The following DST variants were observed in gnomAD, a reference collection of about 807,000 sequenced individuals.
DST encodes dystonin, also known as bullous pemphigoid antigen.
In DST, 253 loss-of-function variants were observed where a neutral mutation model predicts 875.2. The observed-to-expected ratio is 0.29, with a 90% CI of 0.26 to 0.32. The LOEUF (loss-of-function observed/expected upper bound fraction) is 0.32. Among genes scored for constraint, DST ranks in the 10% least tolerant of loss-of-function variants. DST has a pLI of 1.00. For missense variants in DST, 8,287 were observed against 9,111.6 expected (o/e 0.91, Z 3.68); for synonymous variants, 3,124 against 3,197.1 (o/e 0.98, Z 0.77).
At chr6:56,940,002 C>T (rs538569216) in intron 2 of DST, among the ~76,000 whole-genome samples, 8 of 150,814 alleles carry the variant, frequency 5.3e-5, no homozygotes, top group African/African-American at 9.8e-5. Context: ...CTCCAGCCTG[C>T]GTGACAGAGC....
chr6:56,697,796 T>A (rs922675412), intron 9 of DST, among the ~76,000 whole-genome samples: 2 of 152,300 alleles, frequency 1.3e-5, no homozygotes, highest in Admixed American at 6.5e-5. Context: ...TCTTGCAGTT[T>A]CAACTCTGCT....
intron 99 of DST, 48 bp from the exon 100 acceptor site, chr6:56,464,804 G>C: frequency 7.2e-7 from 1 of 1,396,104 alleles, no homozygotes; most frequent in Non-Finnish European, 1.0e-6. Context: ...AATACTGTTA[G>C]CAGAAGAAGA....
intron 88 of DST, 27 bp from the exon 89 acceptor site, chr6:56,482,904 A>T (rs959607359): frequency 1.4e-6 from 2 of 1,461,494 alleles, no homozygotes; most frequent in Non-Finnish European, 1.8e-6. Flanking sequence ...TTGAAAAATT[A>T]ATTTTAATTA....
At chr6:56,565,112 C>CTTTTTTTTTTT (rs1157403022) in intron 55 of DST, among the ~76,000 whole-genome samples, 2 of 134,474 alleles carry the variant, frequency 1.5e-5, no homozygotes. Flanking sequence ...TTTCTCTTTT[C>CTTTTTTTTTTT]TTTTTTTTTT....
At chr6:56,898,475 C>T (rs1792504158) in intron 3 of DST, among the ~76,000 whole-genome samples, 1 of 152,186 alleles carries the variant, frequency 6.6e-6, no homozygotes, top group African/African-American at 2.4e-5. Context: ...CTTCTCAATC[C>T]TGATCCACAT....
chr6:56,482,951 A>G, intron 88 of DST, 74 bp from the exon 89 acceptor site: 3 of 1,105,376 alleles, frequency 2.7e-6, no homozygotes, highest in Non-Finnish European at 2.5e-6. Context: ...TTTGAGATAT[A>G]TATGTGCACA....
intron 5 of DST, among the ~76,000 whole-genome samples, chr6:56,725,918 G>A (rs2152919388): frequency 1.3e-5 from 2 of 151,840 alleles, no homozygotes; most frequent in South Asian, 4.2e-4. Flanking sequence ...GGATTTTCCA[G>A]GAGAGTTTTT....
chr6:56,460,061 G>A, intron 103 of DST, 70 bp downstream of exon 103: 2 of 1,518,858 alleles, frequency 1.3e-6, no homozygotes, highest in East Asian at 2.3e-5. Flanking sequence ...CAATGAGGAG[G>A]AAAAGGGACT....
Position 56,648,670 on chromosome 6 carries a change from A to G in DST, c.1454T>C (p.Ile485Thr), listed in dbSNP as rs185149269. 1.6e-5 allele frequency: 26 copies of G among 1,576,130 alleles called. No individual in the cohort carries two copies. In the African/African-American group the frequency reaches 2.9e-4, roughly 18 times the overall value. Residue 485 changes from isoleucine (I) to threonine (T), a missense_variant, in exon 13 of 104, where the codon ATT (isoleucine) becomes ACT (threonine). Ile to Thr is a moderately conservative substitution (Grantham distance 89). Coordinates refer to ENST00000680361, the MANE Select transcript of DST (RefSeq NM_001374736.1). ...GTAGTTCACCATATTCTGGTATTCAATCCATTTGACTTCAACATCCTAGAA... is the reference window on the plus strand; with the variant it reads ...GTAGTTCACCATATTCTGGTATTCAGTCCATTTGACTTCAACATCCTAGAA... ...IGANDVEVKWIEYQNMVNYLI... is the reference protein window; with the variant it reads ...IGANDVEVKWTEYQNMVNYLI...
rs770824816 is a variant in DST, at chr6:56,552,277, A to G, written c.16515T>C (p.Ser5505=). 12 of 1,614,048 alleles carry G rather than the reference A, an allele frequency of 7.4e-6. No individual in the cohort carries two copies. In the South Asian group the frequency reaches 1.2e-4, roughly 16 times the overall value. ...EEFYSKLKEF[S]ILLQKAEEHE... The stretch of plus-strand genomic sequence containing the variant: ...GTTCTTCGGCTTTCTGGAGCAGAAT[A>G]GAAAATTCTTTCAATTTGCTGTAAA... The change falls in exon 61 of 104, where the codon TCT becomes TCC. Residue 5505 remains serine, a synonymous_variant. Transcript: ENST00000680361.
Position 56,604,108 on chromosome 6 carries a change from T to C in DST, c.10520A>G (p.His3507Arg), listed in dbSNP as rs1342133901. The change falls in exon 40 of 104, where the codon CAT becomes CGT. Residue 3507 changes from histidine (H) to arginine (R), a missense_variant. His to Arg is a conservative substitution (Grantham distance 29). Around this residue, in one of 10 missense-constraint regions of DST, gnomAD observed 3,138 missense variants for 3,116.6 expected, o/e 1.01. Coordinates refer to ENST00000680361, the MANE Select transcript of DST (RefSeq NM_001374736.1). ...LADGYSEKIE[H>R]VGDFNQKACS... ...TGCTTTTTGATTAAAGTCTCCAACATGTTCTATTTTCTCTGAATATCCATC... is the reference window on the plus strand; with the variant it reads ...TGCTTTTTGATTAAAGTCTCCAACACGTTCTATTTTCTCTGAATATCCATC... 3 of 1,577,428 alleles carry C rather than the reference T, an allele frequency of 1.9e-6. No individual in the cohort carries two copies. Among genetic ancestry groups the C allele is most frequent in the African/African-American group, 1.3e-5 (1 of 74,484 alleles).
chr6:56,560,924 A>G (rs2097527970), intron 57 of DST, among the ~76,000 whole-genome samples: 1 of 152,120 alleles, frequency 6.6e-6, no homozygotes, highest in Non-Finnish European at 1.5e-5. Flanking sequence ...AGAAAGAAAT[A>G]CCCTCTATTA....
chr6:56,671,512 T>A (rs190184614), intron 9 of DST, among the ~76,000 whole-genome samples: 76 of 152,338 alleles, frequency 5.0e-4, no homozygotes, highest in Admixed American at 9.8e-4. Context: ...TCCTGTATTT[T>A]GTTTTCATGA....
rs189476999 is a variant in DST at position 56,798,315 on chromosome 6, T to C, written c.625+53082A>G. Among the ~76,000 whole-genome samples the C allele has an allele frequency of 6.6e-5, 10 of 152,344 alleles. No individual in the cohort carries two copies. The East Asian group carries it at 7.7e-4, about 12-fold the overall frequency. On this transcript the variant is annotated intron_variant, in intron 4 of 103. Transcript: ENST00000680361. ...GGATGACTCACTTATTAGGGACTAATACAGCTGAAGTTGAAGTTGATGCTC... is the reference window on the plus strand; with the variant it reads ...GGATGACTCACTTATTAGGGACTAACACAGCTGAAGTTGAAGTTGATGCTC...
intron 4 of DST, among the ~76,000 whole-genome samples, chr6:56,837,722 A>C (rs1453381982): frequency 3.9e-5 from 6 of 152,104 alleles, no homozygotes; most frequent in Non-Finnish European, 7.4e-5. Context: ...AATTATGTCA[A>C]TGAAATGGAA....
rs1348165219 is a variant in DST, at chr6:56,598,002, G to C, written c.11933C>G (p.Ala3978Gly). 5.7e-6 allele frequency: 9 copies of C among 1,585,314 alleles called. No homozygotes were observed. Among genetic ancestry groups the C allele is most frequent in the Admixed American group, 3.4e-5 (2 of 58,068 alleles). The change falls in exon 47 of 104, where the codon GCA (alanine) becomes GGA (glycine). Residue 3978 changes from alanine (A) to glycine (G), a missense_variant. Around this residue, in one of 10 missense-constraint regions of DST, gnomAD observed 1,513 missense variants for 1,677.8 expected, o/e 0.90. Coordinates refer to ENST00000680361, the MANE Select transcript of DST (RefSeq NM_001374736.1). The part of the protein sequence containing the change: ...TAIKEETEKV[A>G]AVKQLEESKT... ...GCTCTCTTCCAGCTGCTTCACTGCTGCTACCTGGGAAGGGAAAGTTCACAG... is the reference window on the plus strand; with the variant it reads ...GCTCTCTTCCAGCTGCTTCACTGCTCCTACCTGGGAAGGGAAAGTTCACAG...
chr6:56,879,634 C>T (rs957127904), intron 3 of DST, among the ~76,000 whole-genome samples: 2 of 152,132 alleles, frequency 1.3e-5, no homozygotes, highest in African/African-American at 2.4e-5. Context: ...ATGGTTAATT[C>T]CATCTTATAT....
chr6:56,948,987 AC>A (rs377714293), intron 2 of DST, among the ~76,000 whole-genome samples: 55 of 152,312 alleles, frequency 3.6e-4, no homozygotes, highest in African/African-American at 1.3e-3. Flanking sequence ...AAGAGACTTG[AC>A]CAAGGTGACA....
At chr6:56,492,788 G>A (rs2095794481) in intron 84 of DST, 146 bp downstream of exon 84, 8 of 683,992 alleles carry the variant, frequency 1.2e-5, no homozygotes, top group South Asian at 1.0e-4. Context: ...CACAAGAATC[G>A]CTTGAACCGG....
Sources: allele counts gnomAD v4.1 joint callset (sites outside exome capture counted in the v4.1 genomes callset), GRCh38; gene constraint gnomAD v4.1.1; regional missense constraint gnomAD v4.1.1; transcripts MANE v1.5; gene names NCBI Gene and HGNC (gene_info 2026-07-23, HGNC 2026-07-21).